NUF2: variants seen among roughly 807,000 people sequenced by gnomAD.
NUF2 encodes the protein kinetochore protein Nuf2.
In NUF2, 34 loss-of-function variants were observed where a neutral mutation model predicts 61.8. That is an observed-to-expected ratio of 0.55 (90% CI 0.42 to 0.73). The LOEUF is 0.73. Among genes scored for constraint, NUF2 ranks in the 30% least tolerant of loss-of-function variants. The pLI is 0.00. For synonymous variants in NUF2, 172 were observed against 181.6 expected (o/e 0.95, Z 0.42); for missense variants, 445 against 539.1 (o/e 0.83, Z 1.73).
At chr1:163,353,747 C>T (rs1651403411) in intron 13 of NUF2, among the ~76,000 whole-genome samples, 1 of 152,118 alleles carries the variant, frequency 6.6e-6, no homozygotes, top group Non-Finnish European at 1.5e-5. Flanking sequence ...CGATCTGTCA[C>T]CATTAAACAT....
At chr1:163,345,542 T>A (rs1244014262) in intron 10 of NUF2, 136 bp from the exon 11 acceptor site, 2 of 716,240 alleles carry the variant, frequency 2.8e-6, no homozygotes, top group African/African-American at 1.8e-5. Flanking sequence ...ATTACTGACC[T>A]AGAAATTTAA....
In NUF2 at chr1:163,346,013, A is replaced by G. The variant is rs919807588; in HGVS notation, c.948+195A>G. 1.4e-5 allele frequency: 6 copies of G among 417,432 alleles called. No individual in the cohort carries two copies. In the South Asian group the frequency reaches 1.8e-4, roughly 13 times the overall value. 25.9% of individuals were successfully genotyped at this position (417,432 alleles called of 1,614,324 possible). On this transcript the variant is annotated intron_variant, in intron 11 of 13. Coordinates refer to ENST00000271452, the MANE Select transcript of NUF2 (RefSeq NM_145697.3). Reference sequence around the variant, plus strand: ...TAGCAGTAGCAAGACCCAATTTTTAACCTTCTGATGAAATTAATAATAACT... The same window carrying G: ...TAGCAGTAGCAAGACCCAATTTTTAGCCTTCTGATGAAATTAATAATAACT...
intron 9 of NUF2, among the ~76,000 whole-genome samples, chr1:163,343,373 G>T (rs1012081900): frequency 2.6e-5 from 4 of 152,182 alleles, no homozygotes; most frequent in African/African-American, 9.7e-5. Flanking sequence ...AGGCAGACCG[G>T]AGTGGGATAA....
chr1:163,343,938 A>G (rs1444616802), intron 10 of NUF2, 68 bp downstream of exon 10: 1 of 1,042,626 alleles, frequency 9.6e-7, no homozygotes, highest in Non-Finnish European at 1.3e-6. Flanking sequence ...TTGTTTAATT[A>G]TGTGTTAATT....
At position 163,338,012 on chromosome 1, in the gene NUF2, T is replaced by C; in HGVS notation, c.436-8T>C. 1 of 1,611,122 alleles carries C rather than the reference T, an allele frequency of 6.2e-7. No individual in the cohort carries two copies. The highest frequency in any genetic ancestry group is 8.5e-7 in the Non-Finnish European group (1 of 1,177,462). ...ACTAATATGAGATGATTAAAATTGCTTTAATAGAAATCCTCTGCGGACAAA... is the reference window on the plus strand; with the variant it reads ...ACTAATATGAGATGATTAAAATTGCCTTAATAGAAATCCTCTGCGGACAAA... On this transcript the variant is annotated splice_polypyrimidine_tract_variant and splice_region_variant and intron_variant, in intron 6 of 13. Transcript: ENST00000271452.
intron 13 of NUF2, among the ~76,000 whole-genome samples, chr1:163,351,283 G>A (rs1341377828): frequency 6.6e-6 from 1 of 152,096 alleles, no homozygotes; most frequent in East Asian, 1.9e-4. Context: ...GCAGCATCTT[G>A]CCCTTGACTT....
chr1:163,332,293 T>C (rs1337991380), intron 5 of NUF2, among the ~76,000 whole-genome samples: 1 of 152,200 alleles, frequency 6.6e-6, no homozygotes, highest in Non-Finnish European at 1.5e-5. Context: ...TCCCACAATT[T>C]TTTCTGTTAC....
intron 7 of NUF2, 89 bp downstream of exon 7, chr1:163,338,182 T>A: frequency 1.1e-6 from 1 of 897,468 alleles, no homozygotes; most frequent in Non-Finnish European, 1.8e-6. Context: ...TATTCCACCT[T>A]AAGTCTCTTT....
intron 6 of NUF2, among the ~76,000 whole-genome samples, chr1:163,337,627 C>T (rs1272049671): frequency 1.3e-5 from 2 of 152,122 alleles, no homozygotes; most frequent in African/African-American, 4.8e-5. Flanking sequence ...CCTCAGACAT[C>T]TATCACCTCT....
intron 13 of NUF2, among the ~76,000 whole-genome samples, chr1:163,354,958 A>G (rs1312195248): frequency 6.6e-6 from 1 of 152,076 alleles, no homozygotes. Flanking sequence ...TACCTTTTAA[A>G]TGATAATCAG....
chr1:163,350,351 C>G (rs185778784), intron 13 of NUF2, among the ~76,000 whole-genome samples: 11 of 151,586 alleles, frequency 7.3e-5, no homozygotes, highest in African/African-American at 2.4e-4. Flanking sequence ...GCTTCTTAAC[C>G]GAATCAAATC....
At chr1:163,351,256 G>A (rs1651306004) in intron 13 of NUF2, among the ~76,000 whole-genome samples, 1 of 152,094 alleles carries the variant, frequency 6.6e-6, no homozygotes, top group Non-Finnish European at 1.5e-5. Context: ...GCATAATATT[G>A]GGGTAGATTT....
At chr1:163,353,261 G>A (rs1651382923) in intron 13 of NUF2, among the ~76,000 whole-genome samples, 4 of 151,658 alleles carry the variant, frequency 2.6e-5, no homozygotes. Context: ...TAATATATTG[G>A]TTGACTAATT....
At chr1:163,326,925 T>C (rs1650436437) in intron 2 of NUF2, among the ~76,000 whole-genome samples, 1 of 152,168 alleles carries the variant, frequency 6.6e-6, no homozygotes, top group African/African-American at 2.4e-5. Flanking sequence ...TGTATTAATA[T>C]ATGGATCAGA....
intron 5 of NUF2, among the ~76,000 whole-genome samples, chr1:163,333,133 A>T (rs528189958): frequency 6.6e-5 from 10 of 152,256 alleles, no homozygotes; most frequent in African/African-American, 2.4e-4. Flanking sequence ...TGTTTTATGT[A>T]CCTTGAAGCT....
At chr1:163,344,027 GAGTGA>G (rs1387938171) in intron 10 of NUF2, among the ~76,000 whole-genome samples, 157 bp downstream of exon 10, 1 of 151,924 alleles carries the variant, frequency 6.6e-6, no homozygotes. Flanking sequence ...CTTTTCTCTA[GAGTGA>G]ATATGGGGAA....
chr1:163,340,733 A>G (rs1342339335), intron 9 of NUF2, among the ~76,000 whole-genome samples: 1 of 152,162 alleles, frequency 6.6e-6, no homozygotes, highest in Admixed American at 6.5e-5. Context: ...GGCTCAATAC[A>G]TCTTACCTGC....
chr1:163,343,384 T>G (rs954369888), intron 9 of NUF2, among the ~76,000 whole-genome samples: 17 of 152,170 alleles, frequency 1.1e-4, no homozygotes, highest in Non-Finnish European at 2.1e-4. Context: ...AGTGGGATAA[T>G]GATATTCTAG....
intron 12 of NUF2, 116 bp from the exon 13 acceptor site, chr1:163,348,829 A>T (rs1450123328): frequency 4.7e-6 from 5 of 1,073,574 alleles, no homozygotes; most frequent in Non-Finnish European, 6.8e-6. Flanking sequence ...TCTTGAGAAG[A>T]GTTTTAGGTT....
Sources: gnomAD v4.1 joint callset for allele counts (sites outside exome capture counted in the v4.1 genomes callset) on GRCh38, gnomAD v4.1.1 for gene constraint, MANE v1.5 for transcripts, NCBI Gene and HGNC (gene_info 2026-07-23, HGNC 2026-07-21) for gene names.